The following MBD1 variants were observed in gnomAD, a reference collection of about 807,000 sequenced individuals.
MBD1 encodes methyl-CpG binding domain protein 1.
A neutral mutation model predicts 82.6 loss-of-function variants in MBD1; 25 were observed. The ratio of observed to expected loss-of-function variants is 0.30; its 90% CI spans 0.22 to 0.42. MBD1 has a LOEUF of 0.42. Ranked by LOEUF, MBD1 falls within the 10% of genes least tolerant of loss-of-function variation. The pLI, the probability that MBD1 is intolerant of heterozygous loss-of-function variation, is 1.00. For synonymous variants in MBD1, 301 were observed against 303.7 expected (o/e 0.99, Z 0.09); for missense variants, 627 against 819.6 (o/e 0.76, Z 2.87).
intron 15 of MBD1, 46 bp from the exon 16 acceptor site, chr18:50,271,586 G>A (rs2035557307): frequency 3.1e-6 from 5 of 1,607,618 alleles, no homozygotes; most frequent in South Asian, 1.1e-5. Flanking sequence ...GGTTTGCTAT[G>A]TGCGCAATGG....
Position 50,273,778 on chromosome 18 carries a change from G to C in MBD1, c.1232C>G (p.Ser411Cys). 6.2e-7 allele frequency: 1 copy of C among 1,614,114 alleles called. No individual in the cohort carries two copies. The highest frequency in any genetic ancestry group is 8.5e-7 in the Non-Finnish European group (1 of 1,180,038). Residue 411 changes from serine to cysteine, a missense_variant, in exon 12 of 17, where the codon TCT becomes TGT. By Grantham distance (112) the Ser-to-Cys change is moderately radical (BLOSUM62 -1). Coordinates refer to ENST00000269468, the MANE Select transcript of MBD1 (RefSeq NM_015846.4). The part of the protein sequence containing the change: ...PPYRRRKRPS[S>C]ARRHHLGPTL... Reference sequence around the variant, plus strand: ...AGGGCCAAGATGGTGCCGTCGGGCAGAGCTGGGCCTCTTTCGACGACGGTA... The same window carrying C: ...AGGGCCAAGATGGTGCCGTCGGGCACAGCTGGGCCTCTTTCGACGACGGTA...
chr18:50,269,341 C>A lies in MBD1; in HGVS notation c.*510G>T. The stretch of plus-strand genomic sequence containing the variant: ...ATGGTAGGGTGGCTTTGTAATGTGT[C>A]ACCTTGGTGAGGCTATGTTTCCCGG... On this transcript the variant is annotated 3_prime_UTR_variant, in exon 17 of 17. Coordinates refer to ENST00000269468, the MANE Select transcript of MBD1 (RefSeq NM_015846.4). 1 of 1,315,766 alleles carries A rather than the reference C, an allele frequency of 7.6e-7. No individual in the cohort carries two copies. The highest frequency in any genetic ancestry group is 9.8e-7 in the Non-Finnish European group (1 of 1,023,348). The allele number at this position is 1,315,766 out of a possible 1,614,324, so 81.5% of individuals were successfully genotyped here.
At position 50,275,724 on chromosome 18, in the gene MBD1, C is replaced by T. The variant is rs759684535; in HGVS notation, c.668G>A (p.Arg223Gln). 1.1e-5 allele frequency: 17 copies of T among 1,614,174 alleles called. No homozygotes were observed. The highest frequency in any genetic ancestry group is 4.5e-5 in the East Asian group (2 of 44,878). Residue 223 changes from arginine to glutamine, a missense_variant, in exon 8 of 17, where the codon CGA becomes CAA. By Grantham distance (43) the Arg-to-Gln change is conservative. Coordinates refer to ENST00000269468, the MANE Select transcript of MBD1 (RefSeq NM_015846.4). ...ACAGCCCCGGCATACTCCACACCCT[C>T]GGCTCTGTTGGCGGGGGGCAGGTGG... Reference protein sequence around the residue: ...RRCLRIVERSRGCGVCRGCQT... With the variant: ...RRCLRIVERSQGCGVCRGCQT...
At chr18:50,281,261 G>T in intron 1 of MBD1, 102 bp downstream of exon 1, 1 of 1,501,586 alleles carries the variant, frequency 6.7e-7, no homozygotes, top group Non-Finnish European at 8.9e-7. Context: ...CCCCCTTATC[G>T]GCCTGAGGGC....
Position 50,279,879 on chromosome 18 carries a change from G to A in MBD1, c.110+4C>T. On this transcript the variant is annotated splice_donor_region_variant and intron_variant, in intron 2 of 16. Coordinates refer to ENST00000269468, the MANE Select transcript of MBD1 (RefSeq NM_015846.4). ...CCTGACTCTGCCCACTACCCACCCAGTACCTCTGGTAATAGGTGTCTGAGC... is the reference window on the plus strand; with the variant it reads ...CCTGACTCTGCCCACTACCCACCCAATACCTCTGGTAATAGGTGTCTGAGC... 1 of 1,613,946 alleles carries A rather than the reference G, an allele frequency of 6.2e-7. No individual in the cohort carries two copies. The highest frequency in any genetic ancestry group is 2.2e-5 in the East Asian group (1 of 44,888).
chr18:50,276,546 T>A, intron 5 of MBD1, 116 bp downstream of exon 5: 1 of 1,454,016 alleles, frequency 6.9e-7, no homozygotes, highest in Non-Finnish European at 9.6e-7. Flanking sequence ...ATATCCAACC[T>A]CCAACCATGC....
At chr18:50,273,155 G>T in intron 13 of MBD1, 179 bp downstream of exon 13, 2 of 1,215,112 alleles carry the variant, frequency 1.6e-6, no homozygotes, top group Admixed American at 2.0e-5. Flanking sequence ...ATAGCAAAGC[G>T]GGCAAAGCTA....
chr18:50,267,629 A>G (rs1348955981), downstream of MBD1: 1 of 1,536,122 alleles, frequency 6.5e-7, no homozygotes, highest in Admixed American at 2.0e-5. Flanking sequence ...TGGTAACCAC[A>G]GTTGCATTTC....
intron 1 of MBD1, among the ~76,000 whole-genome samples, chr18:50,280,801 C>T (rs1424705812): frequency 1.3e-5 from 2 of 152,074 alleles, no homozygotes; most frequent in Non-Finnish European, 1.5e-5. Flanking sequence ...CCCCACTTCT[C>T]CTCCTTACTG....
chr18:50,271,564 T>G (rs758372061), intron 15 of MBD1, 24 bp from the exon 16 acceptor site: 9 of 1,614,066 alleles, frequency 5.6e-6, no homozygotes. Flanking sequence ...AGCAGGTCTG[T>G]ATGTTGAATG....
At position 50,271,555 on chromosome 18, in the gene MBD1, G is replaced by A. The variant is rs376892501; in HGVS notation, c.1779-15C>T. On this transcript the variant is annotated splice_polypyrimidine_tract_variant and intron_variant, in intron 15 of 16. Transcript: ENST00000269468. ...GGTCTTTGGACCTAGGGAAAAGGGA[G>A]CAGGTCTGTATGTTGAATGAGGTTT... 6.2e-6 allele frequency: 10 copies of A among 1,614,098 alleles called. No individual in the cohort carries two copies. The highest frequency in any genetic ancestry group is 1.3e-5 in the African/African-American group (1 of 74,936).
intron 15 of MBD1, chr18:50,272,327 T>C (rs1460225847): frequency 2.9e-6 from 1 of 341,606 alleles, no homozygotes; most frequent in African/African-American, 2.1e-5. Context: ...AAGACCCAAA[T>C]GATTATTCTC....
chr18:50,277,267 C>T, intron 2 of MBD1, 63 bp from the exon 3 acceptor site: 1 of 1,328,232 alleles, frequency 7.5e-7, no homozygotes, highest in Non-Finnish European at 1.1e-6. Flanking sequence ...CTCATACAAC[C>T]TTTTGACAGG....
In MBD1 at chr18:50,281,438, C is replaced by T. The variant is rs959380123; in HGVS notation, c.-101G>A. The T allele has an allele frequency of 1.4e-5, 8 of 589,624 alleles. No individual in the cohort carries two copies. In the African/African-American group the frequency reaches 1.5e-4, roughly 11 times the overall value. 36.5% of individuals were successfully genotyped at this position (589,624 alleles called of 1,614,324 possible). A position where few individuals can be genotyped will look rare whatever the true frequency, so the allele number is the denominator to read the frequency against. On this transcript the variant is annotated 5_prime_UTR_variant, in exon 1 of 17. Transcript: ENST00000269468. Reference sequence around the variant, plus strand: ...TGGCGAGGGTCCCTCCTGCACCTCCCGCCTCGCCCTCCTCCCCTTCCTCCT... The same window carrying T: ...TGGCGAGGGTCCCTCCTGCACCTCCTGCCTCGCCCTCCTCCCCTTCCTCCT...
intron 7 of MBD1, 47 bp from the exon 8 acceptor site, chr18:50,275,775 A>G: frequency 6.2e-7 from 1 of 1,614,130 alleles, no homozygotes; most frequent in Non-Finnish European, 8.5e-7. Context: ...GCATGGGGCC[A>G]AGCCCATGGG....
chr18:50,274,257 TGTCGCAGCAGAA>T lies in MBD1; in HGVS notation c.1063_1074del (p.Phe355_Asp358del). 6.2e-7 allele frequency: 1 copy of T among 1,614,138 alleles called. No homozygotes were observed. The highest frequency in any genetic ancestry group is 8.5e-7 in the Non-Finnish European group (1 of 1,180,036). On this transcript the variant is annotated inframe_deletion, in exon 11 of 17. Coordinates refer to ENST00000269468, the MANE Select transcript of MBD1 (RefSeq NM_015846.4). The stretch of plus-strand genomic sequence containing the variant: ...TGGTTGCTGCCCCCGAATTTGGGCT[TGTCGCAGCAGAA>T]GTCGCAGCGGCCACAGTCCATCCGC...
Position 50,273,821 on chromosome 18 carries a change from C to T in MBD1, c.1189G>A (p.Ala397Thr). ...PSVWSESEDG[A>T]GSPPPYRRRK... ...CGACGGTAAGGTGGGGGCGATCCTG[C>T]CCCATCCTCAGACTCTGACCAGACA... is the stretch of plus-strand genomic sequence containing the variant. The change falls in exon 12 of 17, where the codon GCA (alanine) becomes ACA (threonine). Residue 397 changes from alanine (A) to threonine (T), a missense_variant. This residue lies in a region of MBD1 where 265 missense variants were observed against 278.4 expected (regional missense o/e 0.95). Coordinates refer to ENST00000269468, the MANE Select transcript of MBD1 (RefSeq NM_015846.4). The T allele has an allele frequency of 6.2e-7, 1 of 1,613,554 alleles. No homozygotes were observed. Among genetic ancestry groups the T allele is most frequent in the South Asian group, 1.1e-5 (1 of 91,084 alleles).
chr18:50,275,677 G>A lies in MBD1; in HGVS notation c.715C>T (p.His239Tyr). 1 of 1,614,210 alleles carries A rather than the reference G, an allele frequency of 6.2e-7. No individual in the cohort carries two copies. Among genetic ancestry groups the A allele is most frequent in the Non-Finnish European group, 8.5e-7 (1 of 1,180,034 alleles). Residue 239 changes from histidine to tyrosine, a missense_variant, in exon 8 of 17, where the codon CAT becomes TAT. By Grantham distance (83) the His-to-Tyr change is moderately conservative (BLOSUM62 2). Coordinates refer to ENST00000269468, the MANE Select transcript of MBD1 (RefSeq NM_015846.4). ...RGCQTQEDCGHCPICLRPPRP... is the reference protein window; with the variant it reads ...RGCQTQEDCGYCPICLRPPRP... ...GGAGGGCGAAGGCAGATGGGGCAAT[G>A]GCCACAATCCTCTTGGGTCTGACAG...
chr18:50,276,635 A>T, intron 5 of MBD1, 27 bp downstream of exon 5: 1 of 1,612,752 alleles, frequency 6.2e-7, no homozygotes, highest in East Asian at 2.2e-5. Context: ...CTATCTCCCG[A>T]TGCCCCATCC....
Sources: gnomAD v4.1 joint callset for allele counts (sites outside exome capture counted in the v4.1 genomes callset) on GRCh38, gnomAD v4.1.1 for gene constraint, gnomAD v4.1.1 regional missense constraint, MANE v1.5 for transcripts, NCBI Gene and HGNC (gene_info 2026-07-23, HGNC 2026-07-21) for gene names.